The following LHFPL3 variants were observed in gnomAD, a reference collection of about 807,000 sequenced individuals.
The protein encoded by LHFPL3 is LHFPL tetraspan subfamily member 3, also known as LHFPL tetraspan subfamily member 3 protein.
In LHFPL3, 5 loss-of-function variants were observed where a neutral mutation model predicts 19.3. The observed-to-expected ratio is 0.26, with a 90% CI of 0.14 to 0.54. LHFPL3 has a LOEUF of 0.54. Ranked by LOEUF, LHFPL3 falls within the 20% of genes least tolerant of loss-of-function variation. The probability of loss-of-function intolerance (pLI) is 0.94; values close to 1 mark genes in which losing one functional copy is unlikely to be tolerated. For missense variants in LHFPL3, 249 were observed against 307.4 expected, an observed-to-expected ratio of 0.81 and a Z score of 1.42; for synonymous variants, 133 against 126.2, an observed-to-expected ratio of 1.05 and a Z score of -0.36.
intron 1 of LHFPL3, among the ~76,000 whole-genome samples, chr7:104,435,099 T>G (rs988925144): frequency 1.3e-5 from 2 of 150,262 alleles, no homozygotes; most frequent in African/African-American, 2.5e-5. Context: ...ATTTTAAAAT[T>G]AAAATGAATG....
chr7:104,880,131 G>A (rs1455359473), intron 2 of LHFPL3, among the ~76,000 whole-genome samples: 1 of 152,162 alleles, frequency 6.6e-6, no homozygotes, highest in Non-Finnish European at 1.5e-5. Flanking sequence ...GTGATTCCCA[G>A]TGTTGGAGGT....
chr7:104,343,103 A>G (rs943805330), intron 1 of LHFPL3, among the ~76,000 whole-genome samples: 10 of 152,028 alleles, frequency 6.6e-5, no homozygotes, highest in Non-Finnish European at 1.3e-4. Flanking sequence ...AAGAAATGGA[A>G]TGAGTCTCAC....
chr7:104,864,395 GGAAA>G (rs1791679322), intron 2 of LHFPL3, among the ~76,000 whole-genome samples: 1 of 152,138 alleles, frequency 6.6e-6, no homozygotes, highest in African/African-American at 2.4e-5. Context: ...GATGGCACCT[GGAAA>G]ATCAGGTCAC....
At chr7:104,772,835 A>G (rs930548782) in intron 2 of LHFPL3, among the ~76,000 whole-genome samples, 1 of 152,220 alleles carries the variant, frequency 6.6e-6, no homozygotes, top group African/African-American at 2.4e-5. Context: ...CAATCCTTCA[A>G]TCAGATAAAT....
chr7:104,454,905 TGTTCTTTGTTACCAC>T (rs1249331557), intron 1 of LHFPL3, among the ~76,000 whole-genome samples: 1 of 152,240 alleles, frequency 6.6e-6, no homozygotes, highest in Non-Finnish European at 1.5e-5. Context: ...TTAGAAATGC[TGTTCTTTGTTACCAC>T]TGTCTTGTCT....
chr7:104,563,056 C>G (rs1032415230), intron 1 of LHFPL3, among the ~76,000 whole-genome samples: 9 of 151,992 alleles, frequency 5.9e-5, no homozygotes, highest in African/African-American at 1.7e-4. Context: ...TCTCCAGCTG[C>G]GTGCTGGGAG....
rs567398443 is a variant in LHFPL3, at chr7:104,606,427, G to A, written c.446-130248G>A. 3.3e-5 allele frequency among the ~76,000 whole-genome samples: 5 copies of A among 152,302 alleles called. No individual in the cohort carries two copies. The East Asian group carries it at 9.6e-4, about 29-fold the overall frequency. ...TTTCAACAAGCTGACAGAGGTCTGG[G>A]GCTGACTAGTATTTGAAATGCTCTG... On this transcript the variant is annotated intron_variant, in intron 1 of 2. Transcript: ENST00000424859.
chr7:104,676,755 A>G (rs1792600736), intron 1 of LHFPL3, among the ~76,000 whole-genome samples: 1 of 152,242 alleles, frequency 6.6e-6, no homozygotes, highest in South Asian at 2.1e-4. Context: ...TCTTTCTGAA[A>G]CAATGCTGGT....
intron 1 of LHFPL3, among the ~76,000 whole-genome samples, chr7:104,542,060 G>A (rs926494475): frequency 6.6e-6 from 1 of 151,942 alleles, no homozygotes; most frequent in Admixed American, 6.6e-5. Flanking sequence ...CTGCTGAGAG[G>A]CCAAGTAAGA....
chr7:104,658,929 A>G (rs1045223737), intron 1 of LHFPL3, among the ~76,000 whole-genome samples: 2 of 152,228 alleles, frequency 1.3e-5, no homozygotes, highest in Non-Finnish European at 2.9e-5. Flanking sequence ...ACTTTGGGAA[A>G]AGCTGGAAGA....
chr7:104,359,234 A>G (rs1444583717), intron 1 of LHFPL3, among the ~76,000 whole-genome samples: 1 of 152,260 alleles, frequency 6.6e-6, no homozygotes, highest in Non-Finnish European at 1.5e-5. Flanking sequence ...TTTAGAAGCA[A>G]CATTAAATAT....
intron 1 of LHFPL3, among the ~76,000 whole-genome samples, chr7:104,634,117 A>G (rs1261122678): frequency 6.6e-6 from 1 of 152,238 alleles, no homozygotes; most frequent in African/African-American, 2.4e-5. Context: ...TTCATTTTCT[A>G]TAGTAGACAT....
At chr7:104,462,662 G>C (rs1452553987) in intron 1 of LHFPL3, among the ~76,000 whole-genome samples, 1 of 152,124 alleles carries the variant, frequency 6.6e-6, no homozygotes, top group Admixed American at 6.5e-5. Flanking sequence ...GAGGACTTTT[G>C]CATCAATGTT....
At chr7:104,583,946 T>A (rs1790511932) in intron 1 of LHFPL3, among the ~76,000 whole-genome samples, 1 of 151,968 alleles carries the variant, frequency 6.6e-6, no homozygotes, top group Non-Finnish European at 1.5e-5. Flanking sequence ...GACCCAGCCA[T>A]CCCATTACTG....
At chr7:104,585,480 A>ACACACACACACACACACACACAC (rs1790551501) in intron 1 of LHFPL3, among the ~76,000 whole-genome samples, 4 of 123,362 alleles carry the variant, frequency 3.2e-5, no homozygotes, top group South Asian at 3.0e-4. Flanking sequence ...AACACACACA[A>ACACACACACACACACACACACAC]ACACACACAC....
At chr7:104,877,241 C>T (rs546258680) in intron 2 of LHFPL3, among the ~76,000 whole-genome samples, 7 of 151,716 alleles carry the variant, frequency 4.6e-5, no homozygotes, top group Non-Finnish European at 8.8e-5. Flanking sequence ...CAAACCTGCA[C>T]GTTGTGCACA....
In LHFPL3 at chr7:104,842,681, AT is replaced by A. The variant is rs746573815; in HGVS notation, c.683-63504del. ...TGCAAGTTGATAATGCCAGATAATGATTCCAAAGCAAGATAATGACTTATTT... is the reference window on the plus strand; with the variant it reads ...TGCAAGTTGATAATGCCAGATAATGATCCAAAGCAAGATAATGACTTATTT... On this transcript the variant is annotated intron_variant, in intron 2 of 2. Transcript: ENST00000424859. 7.9e-5 allele frequency among the ~76,000 whole-genome samples: 12 copies of A among 152,350 alleles called. No individual in the cohort carries two copies. The South Asian group carries it at 1.2e-3, about 16-fold the overall frequency.
intron 1 of LHFPL3, among the ~76,000 whole-genome samples, chr7:104,571,295 C>T (rs568101005): frequency 6.0e-4 from 91 of 151,944 alleles, no homozygotes; most frequent in African/African-American, 1.9e-3. Flanking sequence ...GTCAAGAGAC[C>T]GTAAATGATT....
At chr7:104,725,656 C>A (rs188599950) in intron 1 of LHFPL3, among the ~76,000 whole-genome samples, 4 of 152,112 alleles carry the variant, frequency 2.6e-5, no homozygotes, top group Non-Finnish European at 4.4e-5. Context: ...TATCACTAGA[C>A]AATGCCTTAG....
Sources: allele counts gnomAD v4.1 joint callset (sites outside exome capture counted in the v4.1 genomes callset), GRCh38; gene constraint gnomAD v4.1.1; transcripts MANE v1.5; gene names NCBI Gene and HGNC (gene_info 2026-07-23, HGNC 2026-07-21).